CALD1: variants seen among roughly 807,000 people sequenced by gnomAD.
CALD1 encodes the protein caldesmon 1, also known as caldesmon.
A neutral mutation model predicts 99.9 loss-of-function variants in CALD1; 33 were observed. The observed-to-expected ratio is 0.33, with a 90% CI of 0.25 to 0.44. The LOEUF is 0.44. Ranked by LOEUF, CALD1 falls within the 20% of genes least tolerant of loss-of-function variation. The pLI is 1.00. For missense variants in CALD1, 861 were observed against 962.1 expected (o/e 0.89, Z 1.39); for synonymous variants, 310 against 325.0 (o/e 0.95, Z 0.50).
At chr7:134,797,537 C>T (rs574964584) in intron 1 of CALD1, among the ~76,000 whole-genome samples, 1 of 152,266 alleles carries the variant, frequency 6.6e-6, no homozygotes, top group African/African-American at 2.4e-5. Flanking sequence ...CATGTTTGAC[C>T]CCAGCAACTG....
intron 3 of CALD1, among the ~76,000 whole-genome samples, chr7:134,899,642 T>C (rs939662140): frequency 1.3e-5 from 2 of 151,888 alleles, no homozygotes; most frequent in African/African-American, 4.8e-5. Flanking sequence ...CTTTTTTGTT[T>C]TTGTTTTTGT....
chr7:134,864,558 C>T (rs1800717657), intron 2 of CALD1, among the ~76,000 whole-genome samples: 4 of 152,010 alleles, frequency 2.6e-5, no homozygotes, highest in Admixed American at 2.6e-4. Context: ...GCCATCACAC[C>T]CAGCTAATTT....
At chr7:134,915,698 G>C (rs910857145) in intron 3 of CALD1, among the ~76,000 whole-genome samples, 1 of 152,172 alleles carries the variant, frequency 6.6e-6, no homozygotes, top group African/African-American at 2.4e-5. Flanking sequence ...ACACAAATGT[G>C]GGTGCTTAGT....
At chr7:134,801,759 C>T (rs1402994937) in intron 1 of CALD1, among the ~76,000 whole-genome samples, 1 of 150,546 alleles carries the variant, frequency 6.6e-6, no homozygotes, top group Non-Finnish European at 1.5e-5. Context: ...GCTGGGACTA[C>T]AGGCACTCAC....
chr7:134,740,054 C>G (rs563013929), upstream of CALD1, among the ~76,000 whole-genome samples: 2 of 152,166 alleles, frequency 1.3e-5, no homozygotes, highest in South Asian at 4.2e-4. Flanking sequence ...CCCAGTGTAA[C>G]TTCATATCAG....
At chr7:134,778,828 C>T (rs1349466353), upstream of CALD1, among the ~76,000 whole-genome samples, 1 of 152,180 alleles carries the variant, frequency 6.6e-6, no homozygotes. Context: ...CTAGTACTAT[C>T]TCCACATCAC....
At chr7:134,819,539 C>T (rs1329107047) in intron 1 of CALD1, among the ~76,000 whole-genome samples, 1 of 152,154 alleles carries the variant, frequency 6.6e-6, no homozygotes. Context: ...TTTATGTTAT[C>T]CATGCCTTAA....
intron 3 of CALD1, among the ~76,000 whole-genome samples, chr7:134,882,965 T>C (rs1801677136): frequency 6.6e-6 from 1 of 152,198 alleles, no homozygotes; most frequent in Admixed American, 6.5e-5. Flanking sequence ...GCTCCTTGAG[T>C]GGTACTATTT....
At chr7:134,794,050 T>C (rs935781144) in intron 1 of CALD1, among the ~76,000 whole-genome samples, 12 of 152,184 alleles carry the variant, frequency 7.9e-5, no homozygotes, top group African/African-American at 2.7e-4. Context: ...TCTGCCATGA[T>C]ACATGCAGGA....
intron 1 of CALD1, among the ~76,000 whole-genome samples, chr7:134,794,391 CTG>C (rs1797667444): frequency 6.6e-6 from 1 of 152,238 alleles, no homozygotes; most frequent in Non-Finnish European, 1.5e-5. Flanking sequence ...GGTGAGCTAA[CTG>C]TGCATTGCCT....
Position 134,866,630 on chromosome 7 carries a change from G to T in CALD1, c.-41-1063G>T, listed in dbSNP as rs907750135. On this transcript the variant is annotated intron_variant, in intron 2 of 14. Transcript: ENST00000361675. ...GCTCCTTCAAACAAAGATGCCTTCA[G>T]GTGTGATGGCTTTAGGTTTTGTACA... Among the ~76,000 whole-genome samples the T allele has an allele frequency of 1.2e-4, 18 of 152,270 alleles. 3 individuals carry two copies. In the South Asian group the frequency reaches 3.7e-3, roughly 32 times the overall value.
chr7:134,798,852 T>C (rs1445351460), intron 1 of CALD1, among the ~76,000 whole-genome samples: 5 of 152,228 alleles, frequency 3.3e-5, no homozygotes, highest in African/African-American at 4.8e-5. Context: ...CTCAGTCTTC[T>C]GGGGTGGCAC....
chr7:134,762,463 A>C (rs2131599177), intron 1 of CALD1, among the ~76,000 whole-genome samples: 1 of 152,332 alleles, frequency 6.6e-6, no homozygotes, highest in East Asian at 1.9e-4. Context: ...GTTCTGTATT[A>C]GTCCATTCTC....
Position 134,933,639 on chromosome 7 carries a change from T to A in CALD1, c.870T>A (p.Asp290Glu), listed in dbSNP as rs1373499331. 1 of 1,607,286 alleles carries A rather than the reference T, an allele frequency of 6.2e-7. No individual in the cohort carries two copies. The highest frequency in any genetic ancestry group is 1.3e-5 in the African/African-American group (1 of 74,116). The change falls in exon 5 of 15, where the codon GAT (aspartate) becomes GAA (glutamate). Residue 290 changes from aspartate to glutamate, a missense_variant. By Grantham distance (45) the Asp-to-Glu change is conservative. Transcript: ENST00000361675. ...IKAEQDKKIA[D>E]ERARIEAEEK... ...CCGAGCAAGACAAAAAGATAGCAGA[T>A]GAACGAGCAAGAATTGAAGCAGAAG...
chr7:134,884,416 G>A (rs1474245794), intron 3 of CALD1, among the ~76,000 whole-genome samples: 1 of 152,094 alleles, frequency 6.6e-6, no homozygotes, highest in Non-Finnish European at 1.5e-5. Flanking sequence ...TATTGACTAC[G>A]CAGCTTCCTA....
intron 1 of CALD1, among the ~76,000 whole-genome samples, chr7:134,761,586 G>T (rs1796779108): frequency 6.6e-6 from 1 of 152,122 alleles, no homozygotes; most frequent in South Asian, 2.1e-4. Context: ...ATCAACTCTT[G>T]TGAGGCAGCT....
At chr7:134,818,797 G>T (rs926333141) in intron 1 of CALD1, among the ~76,000 whole-genome samples, 2 of 152,140 alleles carry the variant, frequency 1.3e-5, no homozygotes, top group Non-Finnish European at 2.9e-5. Flanking sequence ...GCCGAGCTCC[G>T]AGAGGCAGCT....
At chr7:134,721,038 C>T in the CALD1 span, among the ~76,000 whole-genome samples, 1 of 152,158 alleles carries the variant, frequency 6.6e-6, no homozygotes, top group Admixed American at 6.5e-5. Context: ...GTCTGCCTAA[C>T]AGACCCTCTG....
intron 2 of CALD1, among the ~76,000 whole-genome samples, chr7:134,860,749 T>C (rs144607973): frequency 7.7e-4 from 117 of 152,244 alleles, no homozygotes; most frequent in African/African-American, 2.5e-3. Context: ...TAGCTGACAG[T>C]GTGTTATTGA....
Sources: allele counts gnomAD v4.1 joint callset (sites outside exome capture counted in the v4.1 genomes callset), GRCh38; gene constraint gnomAD v4.1.1; transcripts MANE v1.5; gene names NCBI Gene and HGNC (gene_info 2026-07-23, HGNC 2026-07-21).